ASAH1: variants seen among roughly 807,000 people sequenced by gnomAD.
The protein encoded by ASAH1 is acid ceramidase.
ASAH1 carries 70 observed loss-of-function variants against 59.5 expected under a neutral mutation model. The observed-to-expected ratio is 1.18, with a 90% CI of 0.97 to 1.43. The LOEUF is 1.43. ASAH1 is among the 40% of genes most tolerant of loss of function. The pLI, the probability that ASAH1 is intolerant of heterozygous loss-of-function variation, is 0.00. For synonymous variants in ASAH1, 213 were observed against 166.5 expected (o/e 1.28, Z -2.15); for missense variants, 660 against 482.5 (o/e 1.37, Z -3.45).
intron 4 of ASAH1, among the ~76,000 whole-genome samples, chr8:18,069,291 A>T (rs1316863112): frequency 1.2e-4 from 18 of 152,120 alleles, no homozygotes; most frequent in Non-Finnish European, 1.5e-5. Flanking sequence ...GGGGCTGAGA[A>T]ATGGAGTCTT....
In ASAH1 at chr8:18,084,053, C is replaced by T. The variant is rs753866856; in HGVS notation, c.6G>A (p.Pro2=). 2 of 1,598,702 alleles carry T rather than the reference C, an allele frequency of 1.3e-6. No homozygotes were observed. Among genetic ancestry groups the T allele is most frequent in the African/African-American group, 1.3e-5 (1 of 75,044 alleles). ...GGACTAAGGCGACGCAACTCCGGCC[C>T]GGCATCGCTCTAGCAGCCAACGCCA... M[P]GRSCVALVLL... The change falls in exon 1 of 14, where the codon CCG becomes CCA. Residue 2 remains proline, a synonymous_variant. Transcript: ENST00000637790.
chr8:18,063,056 G>C (rs959635473), intron 7 of ASAH1, 129 bp downstream of exon 7: 3 of 805,506 alleles, frequency 3.7e-6, no homozygotes, highest in African/African-American at 1.7e-5. Context: ...TTTTAGTAGA[G>C]ACGGGGTTTC....
rs200054096 is a variant in ASAH1, at chr8:18,057,598, T to C, written c.1124A>G (p.Asp375Gly). The part of the protein sequence containing the change: ...NKLTVYTTLI[D>G]VTKGQFETYL... Reference sequence around the variant, plus strand: ...AGTTTCGAATTGACCTTTGGTAACATCTATCAAGGTTGTGTATACGGTCAG... The same window carrying C: ...AGTTTCGAATTGACCTTTGGTAACACCTATCAAGGTTGTGTATACGGTCAG... The change falls in exon 14 of 14, where the codon GAT becomes GGT. Residue 375 changes from aspartate (D) to glycine (G), a missense_variant. Physicochemically the swap from Asp to Gly is moderately conservative, Grantham distance 94. Coordinates refer to ENST00000637790, the MANE Select transcript of ASAH1 (RefSeq NM_177924.5). 1 of 1,603,960 alleles carries C rather than the reference T, an allele frequency of 6.2e-7. No homozygotes were observed. The highest frequency in any genetic ancestry group is 8.5e-7 in the Non-Finnish European group (1 of 1,173,430).
chr8:18,084,111 C>A (rs550178455), upstream of ASAH1: 145 of 1,590,078 alleles, frequency 9.1e-5, no homozygotes, highest in African/African-American at 1.7e-3. Flanking sequence ...AAAGAAGAGC[C>A]GGCTGGGCCG....
chr8:18,062,633 AC>A, intron 7 of ASAH1: 1 of 583,762 alleles, frequency 1.7e-6, no homozygotes, highest in Admixed American at 2.9e-5. Flanking sequence ...TCAATATCAC[AC>A]AGCTTATAAA....
chr8:18,076,071 C>G (rs1371778178), intron 1 of ASAH1: 1 of 203,688 alleles, frequency 4.9e-6, no homozygotes, highest in African/African-American at 2.4e-5. Context: ...CATCTCCTGA[C>G]ACTCCCCTTA....
intron 2 of ASAH1, among the ~76,000 whole-genome samples, chr8:18,075,152 C>T (rs944819639): frequency 6.6e-6 from 1 of 151,726 alleles, no homozygotes; most frequent in Non-Finnish European, 1.5e-5. Flanking sequence ...CCCGCCACCA[C>T]GCCTGGCTAA....
At chr8:18,082,561 G>C (rs1434199058) in intron 1 of ASAH1, 3 of 152,224 alleles carry the variant, frequency 2.0e-5, no homozygotes, top group East Asian at 1.9e-4. Context: ...TCCCCTTCTC[G>C]TGCTAAACAG....
chr8:18,061,378 T>G lies in ASAH1; in HGVS notation c.784A>C (p.Ser262Arg). Residue 262 changes from serine (S) to arginine (R), a missense_variant and splice_region_variant, in exon 10 of 14, where the codon AGT (serine) becomes CGT (arginine). Ser to Arg is a moderately radical substitution (Grantham distance 110). Coordinates refer to ENST00000637790, the MANE Select transcript of ASAH1 (RefSeq NM_177924.5). ...TAGTAAAGCAACGAAACACTTTACC[T>G]TGTGCTATTTTCCAGAACTGTTCTA... ...LTRTVLENSTSYEEAKNLLTK... is the reference protein window; with the variant it reads ...LTRTVLENSTRYEEAKNLLTK... 6.2e-7 allele frequency: 1 copy of G among 1,609,006 alleles called. No individual in the cohort carries two copies. Among genetic ancestry groups the G allele is most frequent in the South Asian group, 1.1e-5 (1 of 90,958 alleles).
intron 2 of ASAH1, among the ~76,000 whole-genome samples, chr8:18,072,993 G>A (rs1004331856): frequency 1.4e-4 from 21 of 152,086 alleles, no homozygotes; most frequent in African/African-American, 4.1e-4. Flanking sequence ...TCAGAGACGC[G>A]ATGAGAGGGG....
intron 4 of ASAH1, chr8:18,067,822 A>G (rs6586684): frequency 0.35 from 52,871 of 152,168 alleles, 9,559 homozygotes; most frequent in South Asian, 0.5. Context: ...TTCTTTTAGC[A>G]AACCAGAGAC....
Position 18,059,554 on chromosome 8 carries a change from T to G in ASAH1, c.917+18A>C. On this transcript the variant is annotated intron_variant, in intron 11 of 13. Coordinates refer to ENST00000637790, the MANE Select transcript of ASAH1 (RefSeq NM_177924.5). ...ATGCTTTTGTTTCTACTTCTTTTGC[T>G]TTAACAAACCTACTTACTCATATAC... 3 of 1,614,228 alleles carry G rather than the reference T, an allele frequency of 1.9e-6. No homozygotes were observed. Among genetic ancestry groups the G allele is most frequent in the Non-Finnish European group, 2.5e-6 (3 of 1,180,038 alleles).
Position 18,062,289 on chromosome 8 carries a change from C to G in ASAH1, c.638G>C (p.Gly213Ala), listed in dbSNP as rs151083567. The change falls in exon 8 of 14, where the codon GGA becomes GCA. Residue 213 changes from glycine to alanine, a missense_variant. By Grantham distance (60) the Gly-to-Ala change is moderately conservative. Transcript: ENST00000637790. ...CAACAGACTCCTTACTGGTTTGAAT[C>G]CTGTTAACATGCCCACATAGCCAGC... ...SFAGYVGMLT[G>A]FKPGLFSLTL... 2 of 1,614,206 alleles carry G rather than the reference C, an allele frequency of 1.2e-6. No individual in the cohort carries two copies. Among genetic ancestry groups the G allele is most frequent in the East Asian group, 4.5e-5 (2 of 44,872 alleles).
chr8:18,058,877 T>C lies in ASAH1; in HGVS notation c.1056A>G (p.Glu352=). ...TTGTTGACAGGACATCATACATGGT[T>C]TCAAATGAGATATTCTAAAACACAA... is the stretch of plus-strand genomic sequence containing the variant. The part of the protein sequence containing the change: ...NRTSQENISF[E]TMYDVLSTKP... Residue 352 remains glutamate, a synonymous_variant, in exon 13 of 14, where the codon GAA becomes GAG. Transcript: ENST00000637790. 1 of 1,612,388 alleles carries C rather than the reference T, an allele frequency of 6.2e-7. No homozygotes were observed. The highest frequency in any genetic ancestry group is 8.5e-7 in the Non-Finnish European group (1 of 1,178,394).
At chr8:18,075,638 G>T in intron 1 of ASAH1, 51 bp from the exon 2 acceptor site, 1 of 1,550,488 alleles carries the variant, frequency 6.4e-7, no homozygotes, top group Non-Finnish European at 8.9e-7. Flanking sequence ...GCTTGCCAAC[G>T]GAATAAGCAA....
At chr8:18,067,708 T>C (rs1409618629) in intron 4 of ASAH1, 2 of 154,988 alleles carry the variant, frequency 1.3e-5, no homozygotes, top group African/African-American at 4.8e-5. Flanking sequence ...TATACCGTTC[T>C]TACCATTTCC....
At chr8:18,068,307 C>G (rs1433543017) in intron 4 of ASAH1, 1 of 152,188 alleles carries the variant, frequency 6.6e-6, no homozygotes, top group Non-Finnish European at 1.5e-5. Flanking sequence ...CACAAAAACT[C>G]TCTGCAATGT....
At position 18,062,306 on chromosome 8, in the gene ASAH1, A is replaced by G. The variant is rs1470290170; in HGVS notation, c.621T>C (p.Tyr207=). The part of the protein sequence containing the change: ...TVFKASSFAG[Y]VGMLTGFKPG... ...GTTTGAATCCTGTTAACATGCCCACATAGCCAGCAAAGCTTGAAGCCTTGA... is the reference window on the plus strand; with the variant it reads ...GTTTGAATCCTGTTAACATGCCCACGTAGCCAGCAAAGCTTGAAGCCTTGA... Residue 207 remains tyrosine (Y), a synonymous_variant, in exon 8 of 14, where the codon TAT becomes TAC. Transcript: ENST00000637790. 5 of 1,614,236 alleles carry G rather than the reference A, an allele frequency of 3.1e-6. No homozygotes were observed. In the Admixed American group the frequency reaches 6.7e-5, roughly 22 times the overall value.
chr8:18,084,446 A>G, upstream of ASAH1: 7 of 1,358,738 alleles, frequency 5.2e-6, no homozygotes, highest in South Asian at 3.0e-5. Flanking sequence ...AGGCGGGTGC[A>G]GCCTGTCCCG....
Sources: allele counts gnomAD v4.1 joint callset (sites outside exome capture counted in the v4.1 genomes callset), GRCh38; gene constraint gnomAD v4.1.1; transcripts MANE v1.5; gene names NCBI Gene and HGNC (gene_info 2026-07-23, HGNC 2026-07-21).